Variants in AKAP14 observed in about 807,000 individuals in gnomAD.
AKAP14 encodes the protein A-kinase anchoring protein 14, also known as A-kinase anchor protein 14.
AKAP14 carries 4 observed loss-of-function variants against 17.0 expected under a neutral mutation model. That is an observed-to-expected ratio of 0.23 (90% CI 0.12 to 0.54). The LOEUF is 0.54. Ranked by LOEUF, AKAP14 falls within the 20% of genes least tolerant of loss-of-function variation. The pLI, the probability that AKAP14 is intolerant of heterozygous loss-of-function variation, is 0.95. For missense variants in AKAP14, 129 were observed against 150.9 expected (o/e 0.85, Z 0.76); for synonymous variants, 42 against 51.3 (o/e 0.82, Z 0.77).
chrX:119,914,187 G>A (rs763541279), intron 4 of AKAP14, among the ~76,000 whole-genome samples: 26 of 101,275 alleles, frequency 2.6e-4, no homozygotes, highest in Admixed American at 9.9e-4. Context: ...GCAATGAGCC[G>A]AGATCATGCC....
chrX:119,910,958 G>A (rs1021085665), intron 4 of AKAP14, among the ~76,000 whole-genome samples: 6 of 108,212 alleles, frequency 5.5e-5, no homozygotes, highest in Non-Finnish European at 1.2e-4. Context: ...CACTGTGCCC[G>A]GCCTTTTTCT....
chrX:119,903,660 GT>G (rs1168868603), intron 4 of AKAP14, 74 bp downstream of exon 4: 2 of 1,186,459 alleles, frequency 1.7e-6, no homozygotes, highest in South Asian at 1.8e-5. Context: ...CAGATCAAAA[GT>G]TTGAAGTCTG....
intron 2 of AKAP14, among the ~76,000 whole-genome samples, chrX:119,900,281 C>T (rs1009206730): frequency 9.0e-6 from 1 of 111,292 alleles, no homozygotes; most frequent in Non-Finnish European, 1.9e-5. Context: ...TTAGTAGAGA[C>T]GGGGTTTTGC....
chrX:119,912,620 A>C (rs1313707007), intron 4 of AKAP14, among the ~76,000 whole-genome samples: 1 of 108,578 alleles, frequency 9.2e-6, no homozygotes, highest in Non-Finnish European at 1.9e-5. Flanking sequence ...CAACCTCCTG[A>C]CTTCAAGTGA....
chrX:119,917,410 T>A (rs1270023900), intron 5 of AKAP14, among the ~76,000 whole-genome samples: 1 of 110,902 alleles, frequency 9.0e-6, no homozygotes, highest in Admixed American at 9.6e-5. Flanking sequence ...GGTTGGGAGT[T>A]CCAGACCAGC....
intron 2 of AKAP14, 101 bp downstream of exon 2, chrX:119,896,368 C>T (rs1193842841): frequency 9.6e-6 from 1 of 104,168 alleles, no homozygotes; most frequent in Non-Finnish European, 2.0e-5. Flanking sequence ...CCCCCCATCT[C>T]TTCCTACCCA....
intron 2 of AKAP14, among the ~76,000 whole-genome samples, chrX:119,896,930 C>T (rs1370869027): frequency 3.8e-5 from 4 of 106,650 alleles, no homozygotes; most frequent in Non-Finnish European, 7.7e-5. Flanking sequence ...CTGCCTCAGC[C>T]TCCCGAGTAG....
intron 4 of AKAP14, among the ~76,000 whole-genome samples, chrX:119,906,888 C>G (rs969838011): frequency 9.0e-6 from 1 of 111,298 alleles, no homozygotes; most frequent in Admixed American, 9.7e-5. Context: ...AAGCTTATTG[C>G]CAGTTTCCCA....
Position 119,903,313 on chromosome X carries a change from GA to G in AKAP14, c.92del (p.Asn31ThrfsTer6). Reference protein sequence around the residue: ...SQTMPNTQDKNYEDELTQVAL... With the variant: ...SQTMPNTQDKXYEDELTQVAL... ...AAACAATGCCGAATACACAAGACAA[GA>G]ACTACGAGGATGAATTGACTCAAGT... On this transcript the variant is annotated frameshift_variant, in exon 3 of 7. Transcript: ENST00000371431. LOFTEE classifies it high-confidence loss of function. The G allele has an allele frequency of 8.3e-7, 1 of 1,211,898 alleles. No individual in the cohort carries two copies.
At chrX:119,900,042 C>T (rs1217406232) in intron 2 of AKAP14, among the ~76,000 whole-genome samples, 4 of 111,246 alleles carry the variant, frequency 3.6e-5, no homozygotes, top group Non-Finnish European at 5.7e-5. Context: ...AATTCTCCTG[C>T]CTCAGCCTCA....
At chrX:119,916,241 A>G (rs1026366359) in intron 5 of AKAP14, among the ~76,000 whole-genome samples, 1 of 109,641 alleles carries the variant, frequency 9.1e-6, no homozygotes, top group East Asian at 2.9e-4. Flanking sequence ...GTACAATCAG[A>G]GCTCACTGAG....
intron 2 of AKAP14, among the ~76,000 whole-genome samples, chrX:119,900,874 A>T (rs2056561559): frequency 8.9e-6 from 1 of 112,030 alleles, no homozygotes; most frequent in African/African-American, 3.2e-5. Flanking sequence ...GAAGTAAGCA[A>T]TTTTTCATAA....
chrX:119,898,208 C>T (rs1185603276), intron 2 of AKAP14, among the ~76,000 whole-genome samples: 1 of 111,313 alleles, frequency 9.0e-6, no homozygotes, highest in Admixed American at 9.6e-5. Context: ...GGCCTTTAGG[C>T]CCAACTACTC....
rs767131219 is a variant in AKAP14, at chrX:119,916,181, CTTTT to C, written c.441+1310_441+1313del. Among the ~76,000 whole-genome samples, 66 of 105,591 alleles carry C rather than the reference CTTTT, an allele frequency of 6.3e-4. 1 individual carries two copies. The highest frequency in any genetic ancestry group is 2.1e-3 in the South Asian group (5 of 2,419). 91.7% of individuals were successfully genotyped at this position (105,591 alleles called of 115,157 possible). A position where few individuals can be genotyped will look rare whatever the true frequency, so the allele number is the denominator to read the frequency against. ...AAAAGTGCTTCTCAAACTTCTCTCTCTTTTTTTTTTAAGACAGAGTCGCTCTGTC... is the reference window on the plus strand; with the variant it reads ...AAAAGTGCTTCTCAAACTTCTCTCTCTTTTTTAAGACAGAGTCGCTCTGTC... On this transcript the variant is annotated intron_variant, in intron 5 of 6. Coordinates refer to ENST00000371431, the MANE Select transcript of AKAP14 (RefSeq NM_178813.6).
At chrX:119,897,122 T>G (rs2056533420) in intron 2 of AKAP14, among the ~76,000 whole-genome samples, 1 of 106,467 alleles carries the variant, frequency 9.4e-6, no homozygotes, top group African/African-American at 3.4e-5. Flanking sequence ...AAATGGACAA[T>G]TTTCTTTCTT....
rs5957267 is a variant in AKAP14 at position 119,908,300 on chromosome X, A to G, written c.261+4714A>G. 8.7e-5 allele frequency among the ~76,000 whole-genome samples: 9 copies of G among 103,496 alleles called. 1 individual carries two copies. Among genetic ancestry groups the G allele is most frequent in the Non-Finnish European group, 7.9e-5 (4 of 50,870 alleles). The allele number at this position is 103,496 out of a possible 115,157, so 89.9% of individuals were successfully genotyped here. A position where few individuals can be genotyped will look rare whatever the true frequency, so the allele number is the denominator to read the frequency against. On this transcript the variant is annotated intron_variant, in intron 4 of 6. Coordinates refer to ENST00000371431, the MANE Select transcript of AKAP14 (RefSeq NM_178813.6). Reference sequence around the variant, plus strand: ...AGACTCTGTCAAAAAAAAAAAAAAAAAAGAAGGATGGTATAGGATGGTATA... The same window carrying G: ...AGACTCTGTCAAAAAAAAAAAAAAAGAAGAAGGATGGTATAGGATGGTATA...
intron 4 of AKAP14, among the ~76,000 whole-genome samples, chrX:119,905,154 C>T (rs889910766): frequency 8.9e-6 from 1 of 111,885 alleles, no homozygotes; most frequent in African/African-American, 3.2e-5. Flanking sequence ...AAAGTTCCAG[C>T]TCTCTCTGTT....
chrX:119,896,806 TTTTTTTC>T (rs1221984246), intron 2 of AKAP14, among the ~76,000 whole-genome samples: 2 of 52,106 alleles, frequency 3.8e-5, no homozygotes, highest in African/African-American at 1.6e-4. Flanking sequence ...TTTTCTTTTC[TTTTTTTC>T]TTTTTTTTTT....
At chrX:119,902,512 C>A (rs1264572050) in intron 2 of AKAP14, among the ~76,000 whole-genome samples, 2 of 111,234 alleles carry the variant, frequency 1.8e-5, no homozygotes, top group Non-Finnish European at 3.8e-5. Flanking sequence ...CAGGCACATG[C>A]CACCACACCC....
Sources: gnomAD v4.1 joint callset for allele counts (sites outside exome capture counted in the v4.1 genomes callset) on GRCh38, gnomAD v4.1.1 for gene constraint, MANE v1.5 for transcripts, NCBI Gene and HGNC (gene_info 2026-07-23, HGNC 2026-07-21) for gene names.